Variants in SP110 observed in about 807,000 individuals in gnomAD.
SP110 encodes SP110 nuclear body protein, also known as interferon-induced protein 41, 30kD.
In SP110, 62 loss-of-function variants were observed where a neutral mutation model predicts 92.7. The ratio of observed to expected loss-of-function variants is 0.67; its 90% CI spans 0.55 to 0.83. The LOEUF (loss-of-function observed/expected upper bound fraction) is 0.83, where lower values mean the gene tolerates loss of function less well. Among genes scored for constraint, SP110 ranks in the 40% least tolerant of loss-of-function variants. SP110 has a pLI of 0.00. For synonymous variants in SP110, 273 were observed against 305.3 expected (o/e 0.89, Z 1.10); for missense variants, 793 against 863.9 (o/e 0.92, Z 1.03).
intron 3 of SP110, among the ~76,000 whole-genome samples, chr2:230,213,278 C>T (rs2044700935): frequency 1.3e-5 from 2 of 152,242 alleles, no homozygotes; most frequent in East Asian, 1.9e-4. Context: ...TGGTTTCACA[C>T]ATAAAAGTTG....
chr2:230,166,114 G>A lies in SP110; in HGVS notation c.*3010C>T, dbSNP rs1426387924. Among the ~76,000 whole-genome samples the A allele has an allele frequency of 2.0e-5, 3 of 152,004 alleles. No homozygotes were observed. The highest frequency in any genetic ancestry group is 6.6e-5 in the Admixed American group (1 of 15,266). On this transcript the variant is annotated 3_prime_UTR_variant, in exon 19 of 19. Coordinates refer to ENST00000258381, the MANE Select transcript of SP110 (RefSeq NM_080424.4). ...TCACCACGTTGGTCAGGCTGGTCTC[G>A]ATCTCTTGACCTCGCGATCCACTCG...
At chr2:230,209,674 G>C (rs2044252447) in intron 7 of SP110, among the ~76,000 whole-genome samples, 1 of 152,178 alleles carries the variant, frequency 6.6e-6, no homozygotes, top group Admixed American at 6.5e-5. Context: ...AAGAAGTTGT[G>C]AATATAGGAG....
At chr2:230,220,075 G>T, upstream of SP110, 1 of 985,506 alleles carries the variant, frequency 1.0e-6, no homozygotes, top group Non-Finnish European at 1.2e-6. Flanking sequence ...AAGGCAGGTC[G>T]GTGCCTGCAG....
intron 10 of SP110, among the ~76,000 whole-genome samples, chr2:230,194,659 C>G (rs953996136): frequency 6.6e-6 from 1 of 152,116 alleles, no homozygotes; most frequent in African/African-American, 2.4e-5. Flanking sequence ...TGAGGTAGTT[C>G]TGAACACTCT....
intron 8 of SP110, among the ~76,000 whole-genome samples, chr2:230,204,059 C>T (rs1338931649): frequency 2.0e-5 from 3 of 152,170 alleles, no homozygotes; most frequent in Non-Finnish European, 2.9e-5. Context: ...ATTAAAAGCA[C>T]ATCATCTGTC....
At chr2:230,177,206 A>T (rs147122811) in intron 14 of SP110, among the ~76,000 whole-genome samples, 4 of 152,308 alleles carry the variant, frequency 2.6e-5, no homozygotes, top group Non-Finnish European at 5.9e-5. Flanking sequence ...CTGGGCCTTG[A>T]GTAGATGTCA....
chr2:230,221,135 G>A (rs1346399551), upstream of SP110, among the ~76,000 whole-genome samples: 1 of 151,860 alleles, frequency 6.6e-6, no homozygotes, highest in Non-Finnish European at 1.5e-5. Context: ...ACAAAAATTA[G>A]CCAGATGTGG....
chr2:230,198,670 C>T (rs2042987746), intron 10 of SP110, among the ~76,000 whole-genome samples: 2 of 152,102 alleles, frequency 1.3e-5, no homozygotes, highest in South Asian at 4.1e-4. Flanking sequence ...TCTTGGCTCA[C>T]TGCAACCTCT....
intron 7 of SP110, 34 bp downstream of exon 7, chr2:230,209,897 C>G (rs1458997432): frequency 7.8e-7 from 1 of 1,275,064 alleles, no homozygotes; most frequent in African/African-American, 1.5e-5. Flanking sequence ...TGAATTCACC[C>G]TTCTGACCTC....
In SP110 at chr2:230,212,937, G is replaced by T. The variant is rs768753285; in HGVS notation, c.407C>A (p.Pro136Gln). The T allele has an allele frequency of 1.2e-6, 2 of 1,614,040 alleles. No individual in the cohort carries two copies. The highest frequency in any genetic ancestry group is 1.7e-5 in the Admixed American group (1 of 60,026). Residue 136 changes from proline (P) to glutamine (Q), a missense_variant, in exon 4 of 19, where the codon CCA becomes CAA. By Grantham distance (76) the Pro-to-Gln change is moderately conservative. Transcript: ENST00000258381. ...GLAEGSSLHT[P>Q]LALPPPQPPQ... ...GGGTTGTGGTGGGGGCAGCGCCAGT[G>T]GGGTATGGAGGGAGCTTCCTTCTGC...
chr2:230,205,831 A>G (rs777915550), intron 8 of SP110, among the ~76,000 whole-genome samples: 3 of 152,246 alleles, frequency 2.0e-5, no homozygotes, highest in Non-Finnish European at 4.4e-5. Flanking sequence ...TTGAAGACGT[A>G]GAGTTGGGAG....
chr2:230,221,608 A>G (rs1574828021), upstream of SP110: 1 of 1,178,976 alleles, frequency 8.5e-7, no homozygotes, highest in East Asian at 2.5e-5. Flanking sequence ...GGGTGCATTG[A>G]TGCCTCAGCA....
intron 8 of SP110, among the ~76,000 whole-genome samples, chr2:230,206,608 T>TATATATATATATAC (rs1291259542): frequency 5.2e-4 from 29 of 55,668 alleles, no homozygotes; most frequent in African/African-American, 2.2e-3. Flanking sequence ...TATATATATA[T>TATATATATATATAC]ATATATATAT....
intron 7 of SP110, among the ~76,000 whole-genome samples, chr2:230,209,250 A>T (rs2044206659): frequency 1.3e-5 from 2 of 152,050 alleles, no homozygotes; most frequent in Admixed American, 1.3e-4. Flanking sequence ...GGAGGCCAAG[A>T]ATTGGTGGAG....
At chr2:230,185,376 T>C (rs1248397770) in intron 11 of SP110, among the ~76,000 whole-genome samples, 2 of 152,168 alleles carry the variant, frequency 1.3e-5, no homozygotes, top group South Asian at 2.1e-4. Context: ...TACCACAGCA[T>C]GTTTGATCAC....
chr2:230,217,119 G>A (rs1173176529), intron 1 of SP110, among the ~76,000 whole-genome samples, 191 bp from the exon 2 acceptor site: 6 of 151,926 alleles, frequency 3.9e-5, no homozygotes, highest in South Asian at 2.1e-4. Flanking sequence ...GGTGGCGCAC[G>A]CCTGTAGTCC....
At position 230,199,003 on chromosome 2, in the gene SP110, G is replaced by T. The variant is rs182332056; in HGVS notation, c.1129+1882C>A. Among the ~76,000 whole-genome samples, 1,010 of 152,064 alleles carry T rather than the reference G, an allele frequency of 6.6e-3. 6 individuals carry two copies. The highest frequency in any genetic ancestry group is 0.023 in the African/African-American group (948 of 41,472). On this transcript the variant is annotated intron_variant, in intron 10 of 18. Coordinates refer to ENST00000258381, the MANE Select transcript of SP110 (RefSeq NM_080424.4). ...ATGCTGGCTGGACCTCAATAAAGGG[G>T]ATGCCACATGCTGAGGATGATGGAG...
At chr2:230,213,119 G>T in intron 3 of SP110, 92 bp from the exon 4 acceptor site, 1 of 1,261,942 alleles carries the variant, frequency 7.9e-7, no homozygotes, top group Non-Finnish European at 1.1e-6. Flanking sequence ...CCAATAGGAT[G>T]GGGGCATGGA....
At position 230,170,677 on chromosome 2, in the gene SP110, C is replaced by G; in HGVS notation, c.1972G>C (p.Ala658Pro). Residue 658 changes from alanine (A) to proline (P), a missense_variant, in exon 18 of 19, where the codon GCA becomes CCA. Ala to Pro is a conservative substitution (Grantham distance 27, BLOSUM62 -1). Transcript: ENST00000258381. Reference sequence around the variant, plus strand: ...AGGCGCATGTCTCGCACAAACCATGCCACCGTGTACATTTCCGTAATCAGC... The same window carrying G: ...AGGCGCATGTCTCGCACAAACCATGGCACCGTGTACATTTCCGTAATCAGC... Reference protein sequence around the residue: ...ERLITEMYTVAWFVRDMRLMF... With the variant: ...ERLITEMYTVPWFVRDMRLMF... 1.2e-6 allele frequency: 2 copies of G among 1,614,106 alleles called. No homozygotes were observed. Among genetic ancestry groups the G allele is most frequent in the South Asian group, 2.2e-5 (2 of 91,084 alleles).
Sources: gnomAD v4.1 joint callset for allele counts (sites outside exome capture counted in the v4.1 genomes callset) on GRCh38, gnomAD v4.1.1 for gene constraint, MANE v1.5 for transcripts, NCBI Gene and HGNC (gene_info 2026-07-23, HGNC 2026-07-21) for gene names.